Variants in CIRSR observed in about 807,000 individuals in gnomAD.
The protein encoded by CIRSR is CBF1 (RBPJ) interacting corepressor 1.
At chr2:174,358,613 G>C in the CIRSR span, 1 of 152,636 alleles carries the variant, frequency 6.6e-6, no homozygotes, top group Non-Finnish European at 1.5e-5. Context: ...AAATATTTTA[G>C]TGATGATATA....
At chr2:174,387,840 T>A in the CIRSR span, 1 of 1,404,352 alleles carries the variant, frequency 7.1e-7, no homozygotes, top group Non-Finnish European at 9.7e-7. Flanking sequence ...CAAACTTTGC[T>A]TTTCTTGTAT....
the CIRSR span, among the ~76,000 whole-genome samples, chr2:174,366,810 G>A: frequency 6.6e-6 from 1 of 152,132 alleles, no homozygotes; most frequent in Admixed American, 6.5e-5. Context: ...CAGGAATTGG[G>A]TTACTCTGTT....
the CIRSR span, among the ~76,000 whole-genome samples, chr2:174,357,771 G>T: frequency 6.6e-6 from 1 of 152,122 alleles, no homozygotes; most frequent in African/African-American, 2.4e-5. Context: ...AAAGCTTAAA[G>T]TTATCTTTTA....
chr2:174,379,483 A>G, the CIRSR span, among the ~76,000 whole-genome samples: 61 of 152,254 alleles, frequency 4.0e-4, no homozygotes, highest in Middle Eastern at 6.8e-3. Context: ...TAACGACTCA[A>G]CTCTGCTGCT....
At chr2:174,382,363 G>A in the CIRSR span, among the ~76,000 whole-genome samples, 2 of 152,168 alleles carry the variant, frequency 1.3e-5, no homozygotes, top group Non-Finnish European at 2.9e-5. Context: ...CTGCAGCTGG[G>A]CACAGTGGCT....
At chr2:174,387,582 T>C in the CIRSR span, 19 of 1,235,192 alleles carry the variant, frequency 1.5e-5, no homozygotes, top group South Asian at 2.7e-4. Context: ...ATCCTATAAT[T>C]GGGTATTTGA....
chr2:174,354,542 T>C, the CIRSR span, among the ~76,000 whole-genome samples: 1 of 50,148 alleles, frequency 2.0e-5, no homozygotes, highest in Non-Finnish European at 3.4e-5. Flanking sequence ...TTATATAATA[T>C]ATATTATATT....
chr2:174,388,421 G>C, the CIRSR span, among the ~76,000 whole-genome samples: 2 of 152,112 alleles, frequency 1.3e-5, no homozygotes, highest in African/African-American at 2.4e-5. Flanking sequence ...GGCTGGTCTT[G>C]AACTCCTGAC....
At chr2:174,395,479 A>G in the CIRSR span, 1 of 1,416,926 alleles carries the variant, frequency 7.1e-7, no homozygotes, top group Non-Finnish European at 1.0e-6. Context: ...AGACACCATC[A>G]CTTTCACTTC....
the CIRSR span, chr2:174,370,162 T>C: frequency 5.0e-6 from 5 of 1,006,854 alleles, no homozygotes; most frequent in African/African-American, 6.7e-5. Context: ...GAAGGAGAGC[T>C]AGCACTCCCA....
the CIRSR span, among the ~76,000 whole-genome samples, chr2:174,383,376 A>C: frequency 2.0e-5 from 3 of 152,134 alleles, no homozygotes; most frequent in Non-Finnish European, 4.4e-5. Context: ...TAAAAACAAC[A>C]AACACTTTAA....
chr2:174,366,078 C>T, the CIRSR span, among the ~76,000 whole-genome samples: 3 of 152,110 alleles, frequency 2.0e-5, no homozygotes, highest in Non-Finnish European at 2.9e-5. Context: ...TTAGATTAGT[C>T]GTAAATTCAT....
At chr2:174,367,219 G>A in the CIRSR span, among the ~76,000 whole-genome samples, 5 of 152,188 alleles carry the variant, frequency 3.3e-5, no homozygotes, top group African/African-American at 1.2e-4. Context: ...GCCAAGACAG[G>A]AGGCCAGGAG....
At chr2:174,374,798 T>C in the CIRSR span, among the ~76,000 whole-genome samples, 2 of 152,248 alleles carry the variant, frequency 1.3e-5, no homozygotes, top group South Asian at 2.1e-4. Context: ...AGATGCTCAA[T>C]ACTCTTTTCC....
the CIRSR span, among the ~76,000 whole-genome samples, chr2:174,371,077 A>G: frequency 6.6e-6 from 1 of 152,208 alleles, no homozygotes; most frequent in African/African-American, 2.4e-5. Context: ...TAAAAAGTAC[A>G]GAGTAGGCAA....
At chr2:174,354,683 A>G in the CIRSR span, among the ~76,000 whole-genome samples, 1 of 100,326 alleles carries the variant, frequency 1.0e-5, no homozygotes, top group Non-Finnish European at 1.9e-5. Flanking sequence ...TATATTTTAT[A>G]TATTATATAA....
chr2:174,380,788 G>GA, the CIRSR span: 1 of 1,600,060 alleles, frequency 6.2e-7, no homozygotes, highest in Non-Finnish European at 8.5e-7. Context: ...TTCAGACATA[G>GA]AAAATAGTAC....
At chr2:174,354,017 G>A in the CIRSR span, among the ~76,000 whole-genome samples, 1 of 152,028 alleles carries the variant, frequency 6.6e-6, no homozygotes, top group African/African-American at 2.4e-5. Flanking sequence ...AATTTCATCA[G>A]TTTTCATCAC....
chr2:174,380,057 T>A, the CIRSR span: 5 of 533,544 alleles, frequency 9.4e-6, no homozygotes, highest in East Asian at 1.3e-4. Context: ...CTACATTTTA[T>A]GTTTTCTCCT....
Sources: allele counts gnomAD v4.1 joint callset (sites outside exome capture counted in the v4.1 genomes callset), GRCh38; gene constraint gnomAD v4.1.1; transcripts MANE v1.5; gene names NCBI Gene and HGNC (gene_info 2026-07-23, HGNC 2026-07-21).